CACHD1: variants seen among roughly 807,000 people sequenced by gnomAD.
CACHD1 encodes the protein VWFA and cache domain-containing protein 1.
A neutral mutation model predicts 138.7 loss-of-function variants in CACHD1; 71 were observed. The observed-to-expected ratio is 0.51, with a 90% CI of 0.42 to 0.62. The LOEUF (loss-of-function observed/expected upper bound fraction) is 0.62, where lower values mean the gene tolerates loss of function less well. Ranked by LOEUF, CACHD1 falls within the 20% of genes least tolerant of loss-of-function variation. CACHD1 has a pLI of 0.00. For synonymous variants in CACHD1, 578 were observed against 591.5 expected (o/e 0.98, Z 0.33); for missense variants, 1,389 against 1,625.3 (o/e 0.85, Z 2.50).
chr1:64,654,151 A>G (rs1330436412), intron 11 of CACHD1, among the ~76,000 whole-genome samples: 3 of 152,220 alleles, frequency 2.0e-5, no homozygotes, highest in African/African-American at 7.2e-5. Flanking sequence ...AAAATCAGAT[A>G]TATTTCATCT....
chr1:64,479,136 A>G (rs932594066), intron 1 of CACHD1, among the ~76,000 whole-genome samples: 20 of 152,200 alleles, frequency 1.3e-4, no homozygotes, highest in Admixed American at 6.5e-5. Context: ...GGGGAAGCCA[A>G]TTTCTTTGTG....
At chr1:64,587,532 G>A (rs1469795880) in intron 3 of CACHD1, among the ~76,000 whole-genome samples, 2 of 152,144 alleles carry the variant, frequency 1.3e-5, no homozygotes, top group Non-Finnish European at 2.9e-5. Context: ...AGGAGCCTTA[G>A]AAGTTAATTA....
Position 64,678,222 on chromosome 1 carries a change from G to A in CACHD1, c.3156G>A (p.Leu1052=). 1.2e-6 allele frequency: 2 copies of A among 1,612,346 alleles called. No individual in the cohort carries two copies. Among genetic ancestry groups the A allele is most frequent in the Non-Finnish European group, 1.7e-6 (2 of 1,179,334 alleles). ...CMVDSDGKTH[L]DKPYCAPQKE... is the part of the protein sequence containing the mutation. ...TGGACAGTGATGGAAAGACTCACCT[G>A]GACAAACCCTACTGTGCCCCCCAGA... Residue 1052 remains leucine, a synonymous_variant, in exon 23 of 27, where the codon CTG becomes CTA. Transcript: ENST00000651257.
At position 64,634,252 on chromosome 1, in the gene CACHD1, T is replaced by A; in HGVS notation, c.998T>A (p.Phe333Tyr). ...CGAAGTACAAACAATAACACAAAGT[T>A]CCAAGCAAGTGAGTGCGTTCTCTCA... ...LIRSTNNNTKFQANTDMVIIY... is the reference protein window; with the variant it reads ...LIRSTNNNTKYQANTDMVIIY... Residue 333 changes from phenylalanine (F) to tyrosine (Y), a missense_variant, in exon 7 of 27, where the codon TTC becomes TAC. Around this residue, in one of 5 missense-constraint regions of CACHD1, gnomAD observed 1,000 missense variants for 1,114.7 expected, o/e 0.90. Transcript: ENST00000651257. 2 of 1,613,754 alleles carry A rather than the reference T, an allele frequency of 1.2e-6. No homozygotes were observed. Among genetic ancestry groups the A allele is most frequent in the Non-Finnish European group, 1.7e-6 (2 of 1,179,864 alleles).
chr1:64,502,118 C>T (rs1646343463), intron 1 of CACHD1, among the ~76,000 whole-genome samples: 1 of 152,164 alleles, frequency 6.6e-6, no homozygotes, highest in Admixed American at 6.5e-5. Flanking sequence ...AAAGAAGCAA[C>T]AGAGATTTTT....
At chr1:64,632,385 C>T (rs1353412726) in intron 5 of CACHD1, among the ~76,000 whole-genome samples, 1 of 152,026 alleles carries the variant, frequency 6.6e-6, no homozygotes, top group Non-Finnish European at 1.5e-5. Flanking sequence ...ATAAATTACC[C>T]ATCCCTGTTC....
intron 17 of CACHD1, 68 bp from the exon 18 acceptor site, chr1:64,673,090 C>A: frequency 7.9e-7 from 1 of 1,270,340 alleles, no homozygotes; most frequent in South Asian, 1.2e-5. Flanking sequence ...GATAAATGCT[C>A]TCTGAATACG....
chr1:64,549,779 G>C (rs1393103477), intron 1 of CACHD1, among the ~76,000 whole-genome samples: 5 of 151,094 alleles, frequency 3.3e-5, no homozygotes, highest in Non-Finnish European at 4.4e-5. Flanking sequence ...TAAATGATAA[G>C]GCTGCTGCTC....
chr1:64,551,664 A>G (rs186020133), intron 2 of CACHD1, among the ~76,000 whole-genome samples: 88 of 152,344 alleles, frequency 5.8e-4, no homozygotes, highest in Middle Eastern at 3.4e-3. Flanking sequence ...TCCTTATAGT[A>G]AAGTTGTTTG....
chr1:64,566,265 C>T (rs1646879666), intron 2 of CACHD1, among the ~76,000 whole-genome samples: 1 of 152,138 alleles, frequency 6.6e-6, no homozygotes, highest in Non-Finnish European at 1.5e-5. Context: ...GCCCCCAGCA[C>T]TATTAAAACT....
At chr1:64,510,456 A>G (rs997361634) in intron 1 of CACHD1, among the ~76,000 whole-genome samples, 3 of 152,158 alleles carry the variant, frequency 2.0e-5, no homozygotes, top group African/African-American at 7.2e-5. Context: ...GGGACAGTCA[A>G]TAATTTTAAG....
At chr1:64,680,474 T>C (rs886997134) in intron 24 of CACHD1, among the ~76,000 whole-genome samples, 16 of 150,162 alleles carry the variant, frequency 1.1e-4, no homozygotes, top group African/African-American at 3.9e-4. Context: ...GGCGAAAGAG[T>C]GAGACTCCAT....
At chr1:64,553,259 T>C (rs1026841841) in intron 2 of CACHD1, among the ~76,000 whole-genome samples, 1 of 152,238 alleles carries the variant, frequency 6.6e-6, no homozygotes, top group African/African-American at 2.4e-5. Flanking sequence ...ATGGGTTGAA[T>C]TGAACACGGG....
chr1:64,472,369 A>G (rs1263100145), intron 1 of CACHD1, among the ~76,000 whole-genome samples: 1 of 152,164 alleles, frequency 6.6e-6, no homozygotes, highest in East Asian at 1.9e-4. Context: ...AAAGTTCCAC[A>G]GACCTTCTCT....
chr1:64,589,080 A>T (rs1258681232), intron 3 of CACHD1, among the ~76,000 whole-genome samples: 1 of 152,176 alleles, frequency 6.6e-6, no homozygotes, highest in Non-Finnish European at 1.5e-5. Context: ...AGCTGAATAG[A>T]TATTCTCTCA....
chr1:64,679,814 G>A lies in CACHD1; in HGVS notation c.3406+58G>A, dbSNP rs561175628. On this transcript the variant is annotated intron_variant, in intron 24 of 26. Transcript: ENST00000651257. ...GCAGCCAGGCTAGAAGGACAGTGGC[G>A]GGTTGTGTAAGCCTCTAAGGAACTG... 2.9e-5 allele frequency: 46 copies of A among 1,585,310 alleles called. No homozygotes were observed. In the South Asian group the frequency reaches 3.0e-4, roughly 10 times the overall value.
chr1:64,516,015 A>G (rs1315004716), intron 1 of CACHD1, among the ~76,000 whole-genome samples: 4 of 152,198 alleles, frequency 2.6e-5, no homozygotes, highest in Non-Finnish European at 5.9e-5. Context: ...AGAGATTGTT[A>G]ATAGGATTTT....
intron 19 of CACHD1, among the ~76,000 whole-genome samples, chr1:64,674,494 C>G (rs1179557149): frequency 6.6e-6 from 1 of 152,128 alleles, no homozygotes; most frequent in Non-Finnish European, 1.5e-5. Context: ...TTTATTGGCC[C>G]AAGTTATCCC....
intron 26 of CACHD1, 137 bp from the exon 27 acceptor site, chr1:64,691,186 T>C (rs1255626675): frequency 4.1e-6 from 3 of 724,520 alleles, no homozygotes; most frequent in Admixed American, 2.4e-5. Flanking sequence ...CTTTAGCATC[T>C]GCTGACAGTC....
Sources: gnomAD v4.1 joint callset for allele counts (sites outside exome capture counted in the v4.1 genomes callset) on GRCh38, gnomAD v4.1.1 for gene constraint, gnomAD v4.1.1 regional missense constraint, MANE v1.5 for transcripts, NCBI Gene and HGNC (gene_info 2026-07-23, HGNC 2026-07-21) for gene names.